Variants in ZNF385D observed in about 807,000 individuals in gnomAD.
The protein encoded by ZNF385D is zinc finger protein 659.
ZNF385D carries 15 observed loss-of-function variants against 35.8 expected under a neutral mutation model. That is an observed-to-expected ratio of 0.42 (90% CI 0.28 to 0.64). The LOEUF (loss-of-function observed/expected upper bound fraction) is 0.64. Ranked by LOEUF, ZNF385D falls within the 30% of genes least tolerant of loss-of-function variation. The probability of loss-of-function intolerance (pLI) is 0.23; values close to 1 mark genes in which losing one functional copy is unlikely to be tolerated. For synonymous variants in ZNF385D, 212 were observed against 186.8 expected, an observed-to-expected ratio of 1.13 and a Z score of -1.10; for missense variants, 474 against 494.6, an observed-to-expected ratio of 0.96 and a Z score of 0.39.
At chr3:21,496,883 A>G (rs919454489) in intron 4 of ZNF385D, among the ~76,000 whole-genome samples, 5 of 152,146 alleles carry the variant, frequency 3.3e-5, no homozygotes, top group South Asian at 2.1e-4. Flanking sequence ...CAAACTAAGC[A>G]TTAAAGGAGC....
intron 3 of ZNF385D, among the ~76,000 whole-genome samples, chr3:21,541,754 G>C (rs2062182575): frequency 6.6e-6 from 1 of 152,042 alleles, no homozygotes; most frequent in East Asian, 1.9e-4. Context: ...TTAATGAAAT[G>C]GAATGAGCAA....
At chr3:21,708,654 C>G (rs1253827946) in intron 1 of ZNF385D, among the ~76,000 whole-genome samples, 2 of 152,072 alleles carry the variant, frequency 1.3e-5, no homozygotes, top group Non-Finnish European at 2.9e-5. Flanking sequence ...TTTTTGTATT[C>G]AATGTTAAAA....
At chr3:21,800,751 C>G (rs1460266613) in intron 3 of ZNF385D, among the ~76,000 whole-genome samples, 1 of 151,946 alleles carries the variant, frequency 6.6e-6, no homozygotes, top group South Asian at 2.1e-4. Flanking sequence ...GTTTGTTGAT[C>G]TTGTTTATTG....
At chr3:21,432,080 C>T (rs1249287619) in intron 5 of ZNF385D, among the ~76,000 whole-genome samples, 1 of 152,096 alleles carries the variant, frequency 6.6e-6, no homozygotes, top group East Asian at 1.9e-4. Context: ...GTTATGAGCT[C>T]AGGCTCTAGA....
At chr3:22,244,590 T>G (rs1699675514) in intron 2 of ZNF385D, among the ~76,000 whole-genome samples, 1 of 150,870 alleles carries the variant, frequency 6.6e-6, no homozygotes, top group Non-Finnish European at 1.5e-5. Flanking sequence ...CCCTTTCAAG[T>G]ACATCAGCTC....
intron 4 of ZNF385D, among the ~76,000 whole-genome samples, chr3:21,439,468 C>T (rs998112513): frequency 1.3e-5 from 2 of 151,924 alleles, no homozygotes; most frequent in African/African-American, 4.8e-5. Context: ...CTTAGTTTGG[C>T]CACACACTGA....
At chr3:22,346,179 T>C (rs565434768) in intron 2 of ZNF385D, among the ~76,000 whole-genome samples, 1 of 152,354 alleles carries the variant, frequency 6.6e-6, no homozygotes, top group Non-Finnish European at 1.5e-5. Flanking sequence ...TTTATGCCTA[T>C]AGAATGACTT....
At chr3:22,112,131 A>C (rs1023485009) in intron 3 of ZNF385D, among the ~76,000 whole-genome samples, 7 of 152,198 alleles carry the variant, frequency 4.6e-5, no homozygotes, top group African/African-American at 1.7e-4. Context: ...TGTAAATGCA[A>C]GCAAAGTGTC....
intron 3 of ZNF385D, among the ~76,000 whole-genome samples, chr3:22,139,433 C>T (rs1327413198): frequency 6.6e-6 from 1 of 151,942 alleles, no homozygotes; most frequent in African/African-American, 2.4e-5. Flanking sequence ...TACTATGCAG[C>T]CATAAAAAAC....
At chr3:21,652,467 A>AT (rs1436680633) in intron 2 of ZNF385D, among the ~76,000 whole-genome samples, 1 of 152,038 alleles carries the variant, frequency 6.6e-6, no homozygotes. Context: ...GTATTAATAT[A>AT]TTTTTTTAAT....
chr3:21,586,685 A>C (rs1439306571), intron 2 of ZNF385D, among the ~76,000 whole-genome samples: 1 of 152,236 alleles, frequency 6.6e-6, no homozygotes, highest in Admixed American at 6.5e-5. Flanking sequence ...GATGCTGTCT[A>C]CATGGACAGA....
intron 3 of ZNF385D, among the ~76,000 whole-genome samples, chr3:21,846,388 G>A (rs1696007678): frequency 6.6e-6 from 1 of 152,080 alleles, no homozygotes; most frequent in Admixed American, 6.6e-5. Context: ...CTTTTAAAAA[G>A]CACTTTCTCA....
At chr3:22,150,613 A>T (rs910685214) in intron 3 of ZNF385D, among the ~76,000 whole-genome samples, 3 of 152,150 alleles carry the variant, frequency 2.0e-5, no homozygotes, top group Non-Finnish European at 4.4e-5. Flanking sequence ...CCTTCAGGCT[A>T]CTAACTCAAT....
At chr3:22,290,953 G>A (rs1420972246) in intron 2 of ZNF385D, among the ~76,000 whole-genome samples, 1 of 152,030 alleles carries the variant, frequency 6.6e-6, no homozygotes, top group Non-Finnish European at 1.5e-5. Flanking sequence ...TGTTGTGCGG[G>A]CATGAGGAAC....
intron 4 of ZNF385D, among the ~76,000 whole-genome samples, chr3:21,453,308 G>A (rs1178051102): frequency 1.3e-5 from 2 of 151,886 alleles, no homozygotes; most frequent in Non-Finnish European, 2.9e-5. Flanking sequence ...CTTGTATTAG[G>A]CAATGGTTTC....
intron 2 of ZNF385D, among the ~76,000 whole-genome samples, chr3:22,342,368 A>G (rs184416234): frequency 6.6e-6 from 1 of 151,458 alleles, no homozygotes; most frequent in Admixed American, 6.6e-5. Context: ...CCTCAGTCCT[A>G]CCTTTAGTTT....
rs540511165 is a variant in ZNF385D, at chr3:21,595,926, T to C, written c.166-31242A>G. Among the ~76,000 whole-genome samples the C allele has an allele frequency of 5.6e-4, 86 of 152,364 alleles. 1 individual carries two copies. The highest frequency in any genetic ancestry group is 1.9e-3 in the African/African-American group (78 of 41,598). The stretch of plus-strand genomic sequence containing the variant: ...GTCAGGCTCCAATCCTTCATTTCTA[T>C]GTGGTTTTCTAAAACAAAAAAAGCA... On this transcript the variant is annotated intron_variant, in intron 2 of 7. Transcript: ENST00000281523.
At chr3:21,997,078 G>A (rs1007255298) in intron 3 of ZNF385D, among the ~76,000 whole-genome samples, 9 of 151,438 alleles carry the variant, frequency 5.9e-5, no homozygotes, top group Non-Finnish European at 7.4e-5. Context: ...TTTTTCAATA[G>A]CAAAGACTTG....
chr3:21,729,009 C>A (rs1022989969), intron 1 of ZNF385D, among the ~76,000 whole-genome samples: 2 of 152,144 alleles, frequency 1.3e-5, no homozygotes, highest in Non-Finnish European at 2.9e-5. Context: ...ATGCAAGGAA[C>A]CTACTAGTGA....
Sources: gnomAD v4.1 joint callset for allele counts (sites outside exome capture counted in the v4.1 genomes callset) on GRCh38, gnomAD v4.1.1 for gene constraint, MANE v1.5 for transcripts, NCBI Gene and HGNC (gene_info 2026-07-23, HGNC 2026-07-21) for gene names.